The following SASS6 variants were observed in gnomAD, a reference collection of about 807,000 sequenced individuals.
SASS6 encodes the protein SAS-6 centriolar assembly protein, also known as spindle assembly abnormal protein 6 homolog.
Under a neutral mutation model 94.9 loss-of-function variants are expected in SASS6, and 59 were observed. The ratio of observed to expected loss-of-function variants is 0.62; its 90% confidence interval spans 0.50 to 0.77. The LOEUF is 0.77. Ranked by LOEUF, SASS6 falls within the 30% of genes least tolerant of loss-of-function variation. The probability of loss-of-function intolerance (pLI) is 0.00; values close to 1 mark genes in which losing one functional copy is unlikely to be tolerated. For missense variants in SASS6, 698 were observed against 734.1 expected (o/e 0.95, Z 0.57); for synonymous variants, 264 against 270.0 (o/e 0.98, Z 0.22).
intron 2 of SASS6, among the ~76,000 whole-genome samples, chr1:100,125,431 A>G (rs1654536912): frequency 6.6e-6 from 1 of 151,832 alleles, no homozygotes; most frequent in Non-Finnish European, 1.5e-5. Context: ...CTGTAATCTC[A>G]GCACTTTGGG....
chr1:100,110,307 A>G lies in SASS6; in HGVS notation c.846T>C (p.Leu282=), dbSNP rs1208200342. ...CATTCAATACCTCTTCAACACCAGA[A>G]AGTTTTGCTTTAAGTTCTCTAATAG... The part of the protein sequence containing the change: ...DSTIRELKAK[L]SGVEEELQRT... Residue 282 remains leucine, a synonymous_variant, in exon 8 of 17, where the codon CTT becomes CTC. Transcript: ENST00000287482. The G allele has an allele frequency of 1.9e-6, 3 of 1,565,740 alleles. No homozygotes were observed. The highest frequency in any genetic ancestry group is 2.6e-6 in the Non-Finnish European group (3 of 1,161,724).
intron 3 of SASS6, 65 bp from the exon 4 acceptor site, chr1:100,122,549 C>CTTTTTTTTTTT (rs71075469): frequency 4.7e-6 from 1 of 212,116 alleles, no homozygotes; most frequent in Non-Finnish European, 8.2e-6. Flanking sequence ...GTTTTGGTGC[C>CTTTTTTTTTTT]TTTTTTTTTT....
chr1:100,120,922 C>T (rs1440250991), intron 5 of SASS6, among the ~76,000 whole-genome samples: 5 of 150,340 alleles, frequency 3.3e-5, no homozygotes, highest in African/African-American at 9.7e-5. Flanking sequence ...TAGTGGCGGG[C>T]GCCTGTAGTC....
chr1:100,108,702 C>T (rs1440692940), intron 8 of SASS6, among the ~76,000 whole-genome samples: 1 of 152,032 alleles, frequency 6.6e-6, no homozygotes, highest in Non-Finnish European at 1.5e-5. Flanking sequence ...GGAGCACAAA[C>T]TTTAGTATCA....
intron 14 of SASS6, among the ~76,000 whole-genome samples, chr1:100,101,240 C>T (rs578083354): frequency 9.9e-5 from 15 of 151,900 alleles, no homozygotes; most frequent in Admixed American, 7.2e-4. Context: ...AATAATTATA[C>T]GGCATATAGT....
intron 13 of SASS6, among the ~76,000 whole-genome samples, chr1:100,103,529 T>G (rs919875004): frequency 2.0e-5 from 3 of 152,184 alleles, no homozygotes; most frequent in African/African-American, 4.8e-5. Flanking sequence ...TGCCACTAAT[T>G]TTCAATATAC....
intron 13 of SASS6, 85 bp from the exon 14 acceptor site, chr1:100,103,168 A>G: frequency 1.3e-6 from 1 of 764,808 alleles, no homozygotes; most frequent in Non-Finnish European, 2.1e-6. Context: ...AGCATCTGTT[A>G]TAATAACTAA....
intron 14 of SASS6, among the ~76,000 whole-genome samples, chr1:100,088,727 G>C (rs1651475383): frequency 6.6e-6 from 1 of 151,770 alleles, no homozygotes; most frequent in South Asian, 2.1e-4. Flanking sequence ...TGTAGTCCCA[G>C]ATATATGAGA....
chr1:100,113,634 A>G (rs765066071), intron 7 of SASS6, among the ~76,000 whole-genome samples: 18 of 151,772 alleles, frequency 1.2e-4, no homozygotes, highest in Non-Finnish European at 2.2e-4. Flanking sequence ...AAAAAAAAAG[A>G]AAATCAAGCC....
At chr1:100,090,103 A>G (rs930358417) in intron 14 of SASS6, among the ~76,000 whole-genome samples, 4 of 152,088 alleles carry the variant, frequency 2.6e-5, no homozygotes, top group Non-Finnish European at 5.9e-5. Flanking sequence ...AGCCAAGAGT[A>G]AATATAAAAT....
chr1:100,085,607 G>A lies in SASS6; in HGVS notation c.1796C>T (p.Ser599Phe). The change falls in exon 16 of 17, where the codon TCC becomes TTC. Residue 599 changes from serine to phenylalanine, a missense_variant. Physicochemically the swap from Ser to Phe is radical, Grantham distance 155. Coordinates refer to ENST00000287482, the MANE Select transcript of SASS6 (RefSeq NM_194292.3). ...ATCTTCCCTTTTCTTCAGGTATTTG[G>A]ATTCCAACCCTACATTTTCACCACT... ...KENGENVGLESKYLKKREDSI... is the reference protein window; with the variant it reads ...KENGENVGLEFKYLKKREDSI... 2 of 1,610,356 alleles carry A rather than the reference G, an allele frequency of 1.2e-6. No individual in the cohort carries two copies. The highest frequency in any genetic ancestry group is 1.7e-6 in the Non-Finnish European group (2 of 1,177,220).
rs565958912 is a variant in SASS6 at position 100,119,152 on chromosome 1, A to C, written c.550-15T>G. On this transcript the variant is annotated splice_polypyrimidine_tract_variant and intron_variant, in intron 6 of 16. Transcript: ENST00000287482. Reference sequence around the variant, plus strand: ...TCTGCTAATGTCTACATTAGAGTTTAACACAAAATATTAAGATAGGCTCCT... The same window carrying C: ...TCTGCTAATGTCTACATTAGAGTTTCACACAAAATATTAAGATAGGCTCCT... The C allele has an allele frequency of 7.1e-7, 1 of 1,414,742 alleles. No homozygotes were observed. The highest frequency in any genetic ancestry group is 1.4e-5 in the African/African-American group (1 of 70,350). 87.6% of individuals were successfully genotyped at this position (1,414,742 alleles called of 1,614,324 possible).
chr1:100,103,290 T>C (rs532236342), intron 13 of SASS6, among the ~76,000 whole-genome samples: 11 of 152,260 alleles, frequency 7.2e-5, no homozygotes, highest in African/African-American at 2.6e-4. Flanking sequence ...CTTTTCAAGG[T>C]AGGTGTGCAA....
At position 100,103,086 on chromosome 1, in the gene SASS6, A is replaced by G. The variant is rs1406000587; in HGVS notation, c.1546-3T>C. On this transcript the variant is annotated splice_region_variant and splice_polypyrimidine_tract_variant and intron_variant, in intron 13 of 16. Transcript: ENST00000287482. ...GGGTAAGTCAGTCTACCATCAACCT[A>G]AAAATAAAAACATAAAGATGATTAA... The G allele has an allele frequency of 1.3e-6, 2 of 1,571,764 alleles. No homozygotes were observed. Among genetic ancestry groups the G allele is most frequent in the African/African-American group, 2.7e-5 (2 of 73,360 alleles).
chr1:100,093,964 A>G (rs2101645026), intron 14 of SASS6, among the ~76,000 whole-genome samples: 1 of 152,272 alleles, frequency 6.6e-6, no homozygotes, highest in Non-Finnish European at 1.5e-5. Flanking sequence ...AACTCAAGGC[A>G]GTTAGAAGGG....
In SASS6 at chr1:100,088,239, G is replaced by C. The variant is rs1651444051; in HGVS notation, c.1675-3C>G. 6.7e-7 allele frequency: 1 copy of C among 1,497,540 alleles called. No homozygotes were observed. Among genetic ancestry groups the C allele is most frequent in the Non-Finnish European group, 9.3e-7 (1 of 1,074,672 alleles). 92.8% of individuals were successfully genotyped at this position (1,497,540 alleles called of 1,614,324 possible). ...GTAAACTGCAAATTAAACTGAACCTGTGAGAAGGAAAAACATCTCATGTAA... is the reference window on the plus strand; with the variant it reads ...GTAAACTGCAAATTAAACTGAACCTCTGAGAAGGAAAAACATCTCATGTAA... On this transcript the variant is annotated splice_region_variant and splice_polypyrimidine_tract_variant and intron_variant, in intron 14 of 16. Coordinates refer to ENST00000287482, the MANE Select transcript of SASS6 (RefSeq NM_194292.3).
At chr1:100,115,597 G>T (rs1403673446) in intron 7 of SASS6, among the ~76,000 whole-genome samples, 1 of 152,174 alleles carries the variant, frequency 6.6e-6, no homozygotes, top group Non-Finnish European at 1.5e-5. Context: ...GAAAGCCAAG[G>T]AAGGAGGATC....
At chr1:100,115,759 G>A (rs991214148) in intron 7 of SASS6, among the ~76,000 whole-genome samples, 1 of 152,154 alleles carries the variant, frequency 6.6e-6, no homozygotes, top group Non-Finnish European at 1.5e-5. Context: ...GGTTGAGGCT[G>A]TAGTGAGCCA....
chr1:100,106,950 A>G lies in SASS6; in HGVS notation c.1370T>C (p.Leu457Pro). ...TTTTAGAAGTTGTTTGCTTTCTTCA[A>G]GTTTTTTAACTGTAGCTTCTAATTG... Reference protein sequence around the residue: ...QEQLEATVKKLEESKQLLKNN... With the variant: ...QEQLEATVKKPEESKQLLKNN... The change falls in exon 12 of 17, where the codon CTT becomes CCT. Residue 457 changes from leucine to proline, a missense_variant. Physicochemically the swap from Leu to Pro is moderately conservative, Grantham distance 98. Coordinates refer to ENST00000287482, the MANE Select transcript of SASS6 (RefSeq NM_194292.3). 1 of 1,432,550 alleles carries G rather than the reference A, an allele frequency of 7.0e-7. No homozygotes were observed. The highest frequency in any genetic ancestry group is 9.8e-7 in the Non-Finnish European group (1 of 1,018,414). 88.7% of individuals were successfully genotyped at this position (1,432,550 alleles called of 1,614,324 possible).
Sources: gnomAD v4.1 joint callset for allele counts (sites outside exome capture counted in the v4.1 genomes callset) on GRCh38, gnomAD v4.1.1 for gene constraint, MANE v1.5 for transcripts, NCBI Gene and HGNC (gene_info 2026-07-23, HGNC 2026-07-21) for gene names.